Variants in SORCS3 observed in about 807,000 individuals in gnomAD.
The protein encoded by SORCS3 is sortilin related VPS10 domain containing receptor 3.
SORCS3 carries 57 observed loss-of-function variants against 146.3 expected under a neutral mutation model. The observed-to-expected ratio is 0.39, with a 90% CI of 0.31 to 0.49. SORCS3 has a LOEUF of 0.49. Ranked by LOEUF, SORCS3 falls within the 20% of genes least tolerant of loss-of-function variation. SORCS3 has a pLI of 0.92. For missense variants in SORCS3, 1,341 were observed against 1,575.5 expected, an observed-to-expected ratio of 0.85 and a Z score of 2.52; for synonymous variants, 653 against 618.5, an observed-to-expected ratio of 1.06 and a Z score of -0.83.
chr10:104,971,166 A>G (rs989865994), intron 3 of SORCS3, among the ~76,000 whole-genome samples: 2 of 152,220 alleles, frequency 1.3e-5, no homozygotes, highest in African/African-American at 4.8e-5. Context: ...TGATTATGCC[A>G]TGGAATGGTT....
chr10:105,136,798 G>C (rs898332996), intron 7 of SORCS3, among the ~76,000 whole-genome samples: 5 of 152,184 alleles, frequency 3.3e-5, no homozygotes, highest in Non-Finnish European at 7.3e-5. Flanking sequence ...TACAGTATCA[G>C]AGGTACTTGG....
chr10:104,771,421 G>C (rs557182508), intron 1 of SORCS3, among the ~76,000 whole-genome samples: 6 of 152,202 alleles, frequency 3.9e-5, no homozygotes, highest in Admixed American at 1.3e-4. Flanking sequence ...CTTGGCCCCT[G>C]ACCCTCTAAA....
chr10:104,782,040 C>T (rs539435049), intron 1 of SORCS3, among the ~76,000 whole-genome samples: 1 of 152,280 alleles, frequency 6.6e-6, no homozygotes, highest in South Asian at 2.1e-4. Context: ...GCATGTGTAC[C>T]CACAGACACA....
intron 4 of SORCS3, among the ~76,000 whole-genome samples, chr10:104,989,021 G>C (rs1010077100): frequency 1.3e-5 from 2 of 152,174 alleles, no homozygotes; most frequent in Non-Finnish European, 2.9e-5. Flanking sequence ...CATTTAAAAT[G>C]CACAAACTGA....
chr10:105,025,990 A>C (rs1415374144), intron 4 of SORCS3, among the ~76,000 whole-genome samples: 1 of 152,126 alleles, frequency 6.6e-6, no homozygotes, highest in African/African-American at 2.4e-5. Flanking sequence ...AAAATCAGGA[A>C]GTCATCTTTG....
Position 104,641,575 on chromosome 10 carries a change from G to A in SORCS3, c.248G>A (p.Arg83His). 6.8e-7 allele frequency: 1 copy of A among 1,476,530 alleles called. No individual in the cohort carries two copies. The highest frequency in any genetic ancestry group is 8.9e-7 in the Non-Finnish European group (1 of 1,123,912). The allele number at this position is 1,476,530 out of a possible 1,614,324, so 91.5% of individuals were successfully genotyped here. Reference sequence around the variant, plus strand: ...GCGCGGAGAGCCGCCGTGCTGGGGCGCCGGGCCGGACCAGAGCTGCTGCCC... The same window carrying A: ...GCGCGGAGAGCCGCCGTGCTGGGGCACCGGGCCGGACCAGAGCTGCTGCCC... ...ASARRAAVLG[R>H]RAGPELLPQQ... Residue 83 changes from arginine to histidine, a missense_variant, in exon 1 of 27, where the codon CGC (arginine) becomes CAC (histidine). By Grantham distance (29) the Arg-to-His change is conservative (BLOSUM62 0). Transcript: ENST00000369701. The surrounding 1 kb of genome is among the most constrained non-coding windows in gnomAD (Gnocchi z 6.4).
chr10:105,112,649 G>A (rs2055866282), intron 7 of SORCS3, among the ~76,000 whole-genome samples: 1 of 152,180 alleles, frequency 6.6e-6, no homozygotes, highest in Non-Finnish European at 1.5e-5. Flanking sequence ...GAGCAGTGAG[G>A]CTTGAGTCCC....
At chr10:104,802,593 C>A (rs1220844896) in intron 1 of SORCS3, among the ~76,000 whole-genome samples, 4 of 152,234 alleles carry the variant, frequency 2.6e-5, no homozygotes, top group Non-Finnish European at 5.9e-5. Flanking sequence ...AGGAAAGATA[C>A]TCAGTTTCAC....
chr10:105,076,654 C>G (rs942746079), intron 5 of SORCS3, among the ~76,000 whole-genome samples: 58 of 152,282 alleles, frequency 3.8e-4, no homozygotes, highest in African/African-American at 1.4e-3. Context: ...CTCTTTTATA[C>G]CCACTTTTGA....
At chr10:105,123,355 A>T (rs2133766798) in intron 7 of SORCS3, among the ~76,000 whole-genome samples, 1 of 152,290 alleles carries the variant, frequency 6.6e-6, no homozygotes, top group South Asian at 2.1e-4. Context: ...TAGGAAAGGG[A>T]TTGCTGTTCA....
intron 25 of SORCS3, among the ~76,000 whole-genome samples, chr10:105,257,723 A>G (rs2056939553): frequency 6.6e-6 from 1 of 152,180 alleles, no homozygotes; most frequent in Non-Finnish European, 1.5e-5. Flanking sequence ...AATAGCAATA[A>G]TATTTTATAG....
chr10:104,971,529 G>C (rs1417651862), intron 3 of SORCS3, among the ~76,000 whole-genome samples: 1 of 152,204 alleles, frequency 6.6e-6, no homozygotes, highest in Non-Finnish European at 1.5e-5. Context: ...CAGTAGGGCT[G>C]GAATCAGGTA....
chr10:105,240,440 G>A (rs1409785565), intron 20 of SORCS3, among the ~76,000 whole-genome samples: 1 of 152,162 alleles, frequency 6.6e-6, no homozygotes, highest in Non-Finnish European at 1.5e-5. Flanking sequence ...TGAAAGAACT[G>A]TGCAGTGAAC....
Position 104,719,330 on chromosome 10 carries a change from G to A in SORCS3, c.627+77376G>A, listed in dbSNP as rs183400087. On this transcript the variant is annotated intron_variant, in intron 1 of 26. Coordinates refer to ENST00000369701, the MANE Select transcript of SORCS3 (RefSeq NM_014978.3). ...TGTCCTTCATGCTTCAGTGTCTAGC[G>A]TGTGTGTGCTGCATGTGGCTTTGGT... 9.8e-5 allele frequency among the ~76,000 whole-genome samples: 15 copies of A among 152,292 alleles called. No individual in the cohort carries two copies. In the East Asian group the frequency reaches 1.9e-3, roughly 20 times the overall value.
intron 4 of SORCS3, among the ~76,000 whole-genome samples, chr10:105,026,384 G>T (rs1387859294): frequency 1.3e-5 from 2 of 152,162 alleles, no homozygotes; most frequent in Non-Finnish European, 2.9e-5. Context: ...CAGATTGTGG[G>T]CAGTCTTCTC....
intron 14 of SORCS3, among the ~76,000 whole-genome samples, chr10:105,194,520 G>T (rs1044396682): frequency 6.6e-6 from 1 of 152,182 alleles, no homozygotes; most frequent in Non-Finnish European, 1.5e-5. Context: ...TTGCAAGGAA[G>T]TGGGATTTAA....
At chr10:105,083,567 C>G (rs2055639574) in intron 5 of SORCS3, among the ~76,000 whole-genome samples, 1 of 152,134 alleles carries the variant, frequency 6.6e-6, no homozygotes, top group South Asian at 2.1e-4. Flanking sequence ...TCACCTCATT[C>G]TATCATCACA....
chr10:104,762,088 C>T (rs1243228731), intron 1 of SORCS3, among the ~76,000 whole-genome samples: 1 of 152,180 alleles, frequency 6.6e-6, no homozygotes, highest in Non-Finnish European at 1.5e-5. Context: ...TGAACATGAA[C>T]TCATGTTTTC....
chr10:104,888,862 T>C (rs77230373), intron 2 of SORCS3, among the ~76,000 whole-genome samples: 12 of 152,154 alleles, frequency 7.9e-5, no homozygotes, highest in Admixed American at 7.9e-4. Flanking sequence ...GGAAGACATT[T>C]GGGGGCCTCG....
Sources: gnomAD v4.1 joint callset for allele counts (sites outside exome capture counted in the v4.1 genomes callset) on GRCh38, gnomAD v4.1.1 for gene constraint, Gnocchi (gnomAD v3.1) non-coding constraint, MANE v1.5 for transcripts, NCBI Gene and HGNC (gene_info 2026-07-23, HGNC 2026-07-21) for gene names.